The following TSPOAP1 variants were observed in gnomAD, a reference collection of about 807,000 sequenced individuals.
TSPOAP1 encodes peripheral-type benzodiazepine receptor-associated protein 1.
In TSPOAP1, 87 loss-of-function variants were observed where a neutral mutation model predicts 197.0. That is an observed-to-expected ratio of 0.44 (90% CI 0.37 to 0.53). TSPOAP1 has a LOEUF of 0.53. Among genes scored for constraint, TSPOAP1 ranks in the 20% least tolerant of loss-of-function variants. TSPOAP1 has a pLI of 0.00. For missense variants in TSPOAP1, 2,174 were observed against 2,411.3 expected (o/e 0.90, Z 2.06); for synonymous variants, 913 against 998.9 (o/e 0.91, Z 1.62).
rs377414450 is a variant in TSPOAP1 at position 58,323,265 on chromosome 17, G to A, written c.1104+33C>T. Reference sequence around the variant, plus strand: ...ACCTGGCTGGCCGGGGTGAAGGGAGGAGCTGGCCTCTGGGTTGCCCTCAAG... The same window carrying A: ...ACCTGGCTGGCCGGGGTGAAGGGAGAAGCTGGCCTCTGGGTTGCCCTCAAG... On this transcript the variant is annotated intron_variant, in intron 7 of 31. Transcript: ENST00000343736. 107 of 1,612,516 alleles carry A rather than the reference G, an allele frequency of 6.6e-5. 1 individual carries two copies. Among genetic ancestry groups the A allele is most frequent in the Admixed American group, 3.5e-4 (21 of 60,022 alleles).
Position 58,302,182 on chromosome 17 carries a change from G to A in TSPOAP1, c.*298C>T, listed in dbSNP as rs1057261256. Reference sequence around the variant, plus strand: ...TAACGCAGAAGAACGGGGGCTCTGGGCCCAGTCTGAGCCTTCCCTGCTCAG... The same window carrying A: ...TAACGCAGAAGAACGGGGGCTCTGGACCCAGTCTGAGCCTTCCCTGCTCAG... On this transcript the variant is annotated 3_prime_UTR_variant, in exon 32 of 32. Coordinates refer to ENST00000343736, the MANE Select transcript of TSPOAP1 (RefSeq NM_004758.4). 33 of 1,186,688 alleles carry A rather than the reference G, an allele frequency of 2.8e-5. No individual in the cohort carries two copies. Among genetic ancestry groups the A allele is most frequent in the Middle Eastern group, 2.9e-4 (1 of 3,442 alleles). The allele number at this position is 1,186,688 out of a possible 1,614,324, so 73.5% of individuals were successfully genotyped here.
chr17:58,307,534 T>C, intron 24 of TSPOAP1, 77 bp downstream of exon 24: 1 of 1,533,814 alleles, frequency 6.5e-7, no homozygotes, highest in Non-Finnish European at 8.9e-7. Flanking sequence ...CTGTGCTACC[T>C]CCAGTGGAGG....
chr17:58,302,456 T>C lies in TSPOAP1; in HGVS notation c.*33-9A>G. ...GTGGTGCAGCCCCAGTCCTGAAATGTGAGACAGAAGGAGCAAGGTCAGGGC... is the reference window on the plus strand; with the variant it reads ...GTGGTGCAGCCCCAGTCCTGAAATGCGAGACAGAAGGAGCAAGGTCAGGGC... On this transcript the variant is annotated splice_polypyrimidine_tract_variant and intron_variant, in intron 31 of 31. Coordinates refer to ENST00000343736, the MANE Select transcript of TSPOAP1 (RefSeq NM_004758.4). The C allele has an allele frequency of 8.2e-7, 1 of 1,220,324 alleles. No homozygotes were observed. Among genetic ancestry groups the C allele is most frequent in the Non-Finnish European group, 1.0e-6 (1 of 958,974 alleles). The allele number at this position is 1,220,324 out of a possible 1,614,324, so 75.6% of individuals were successfully genotyped here. A position where few individuals can be genotyped will look rare whatever the true frequency, so the allele number is the denominator to read the frequency against.
chr17:58,301,406 CG>C lies in TSPOAP1; in HGVS notation c.*1073del, dbSNP rs919433154. ...TCAGAGGGTGGGGGATGGAGTGGAT[CG>C]GGTAACGGCGGAGAACCCCTACCCC... is the stretch of plus-strand genomic sequence containing the variant. On this transcript the variant is annotated 3_prime_UTR_variant, in exon 32 of 32. Transcript: ENST00000343736. The C allele has an allele frequency of 6.6e-6, 1 of 152,512 alleles. No homozygotes were observed. The highest frequency in any genetic ancestry group is 2.4e-5 in the African/African-American group (1 of 41,416). 9.4% of individuals were successfully genotyped at this position (152,512 alleles called of 1,614,324 possible).
At chr17:58,314,688 A>G (rs1029601640) in intron 16 of TSPOAP1, among the ~76,000 whole-genome samples, 1 of 152,174 alleles carries the variant, frequency 6.6e-6, no homozygotes, top group African/African-American at 2.4e-5. Flanking sequence ...GTTTCAAGCC[A>G]CTCTATGGTA....
chr17:58,325,056 C>T (rs1442747605), intron 4 of TSPOAP1, 54 bp from the exon 5 acceptor site: 8 of 1,421,036 alleles, frequency 5.6e-6, no homozygotes, highest in Non-Finnish European at 9.4e-7. Flanking sequence ...CCTTGCCCGC[C>T]CCATGCCATC....
chr17:58,304,840 AG>A lies in TSPOAP1; in HGVS notation c.5544+220del. 1.5e-6 allele frequency: 1 copy of A among 654,920 alleles called. No homozygotes were observed. The highest frequency in any genetic ancestry group is 1.6e-5 in the South Asian group (1 of 61,608). 40.6% of individuals were successfully genotyped at this position (654,920 alleles called of 1,614,324 possible). A position where few individuals can be genotyped will look rare whatever the true frequency, so the allele number is the denominator to read the frequency against. On this transcript the variant is annotated intron_variant, in intron 30 of 31. Coordinates refer to ENST00000343736, the MANE Select transcript of TSPOAP1 (RefSeq NM_004758.4). This position sits in a 1 kb window ranked among gnomAD's most constrained non-coding sequence, Gnocchi z 4.2. ...CAGCTGGCGAGATGGCCTGAGGGTC[AG>A]GGTCACAGCTATCATCCCTCTGCAG... is the stretch of plus-strand genomic sequence containing the variant.
chr17:58,319,986 C>T (rs1285478300), intron 12 of TSPOAP1, 123 bp downstream of exon 12: 2 of 1,317,852 alleles, frequency 1.5e-6, no homozygotes, highest in African/African-American at 1.5e-5. Flanking sequence ...TATGGATTCT[C>T]ATGCCTGCTC....
At position 58,309,926 on chromosome 17, in the gene TSPOAP1, T is replaced by C; in HGVS notation, c.3891+41A>G. The C allele has an allele frequency of 6.4e-7, 1 of 1,569,104 alleles. No individual in the cohort carries two copies. The highest frequency in any genetic ancestry group is 8.6e-7 in the Non-Finnish European group (1 of 1,156,436). On this transcript the variant is annotated intron_variant, in intron 21 of 31. Transcript: ENST00000343736. This position sits in a 1 kb window ranked among gnomAD's most constrained non-coding sequence, Gnocchi z 5.0. Reference sequence around the variant, plus strand: ...GACACACAGTGGGGAGGCCCCGGAGTTTGAGGCCTGGGGCCCAACAGCCCA... The same window carrying C: ...GACACACAGTGGGGAGGCCCCGGAGCTTGAGGCCTGGGGCCCAACAGCCCA...
Position 58,312,014 on chromosome 17 carries a change from C to T in TSPOAP1, c.2807G>A (p.Arg936Gln), listed in dbSNP as rs377765738. The T allele has an allele frequency of 1.4e-5, 22 of 1,613,328 alleles. No individual in the cohort carries two copies. Among genetic ancestry groups the T allele is most frequent in the African/African-American group, 8.0e-5 (6 of 74,920 alleles). The stretch of plus-strand genomic sequence containing the variant: ...TTGGGCCTGATAGGGTGTGCCAGGC[C>T]GTAAGTGGCAGAAGGTGGCCCAGTA... ...STYWATFCHL[R>Q]PGTPYQAQVE... Residue 936 changes from arginine (R) to glutamine (Q), a missense_variant, in exon 17 of 32, where the codon CGG (arginine) becomes CAG (glutamine). Arg to Gln is a conservative substitution (Grantham distance 43). Transcript: ENST00000343736.
Position 58,310,574 on chromosome 17 carries a change from C to A in TSPOAP1, c.3637G>T (p.Ala1213Ser). 1 of 1,613,462 alleles carries A rather than the reference C, an allele frequency of 6.2e-7. No individual in the cohort carries two copies. The highest frequency in any genetic ancestry group is 8.5e-7 in the Non-Finnish European group (1 of 1,180,042). The change falls in exon 20 of 32, where the codon GCG becomes TCG. Residue 1213 changes from alanine to serine, a missense_variant. By Grantham distance (99) the Ala-to-Ser change is moderately conservative (BLOSUM62 1). Transcript: ENST00000343736. ...CCTTGGCACATCTCGGTATTTGGCGCCTGCTGGGCCCGTGCTCCCTGGGTG... is the reference window on the plus strand; with the variant it reads ...CCTTGGCACATCTCGGTATTTGGCGACTGCTGGGCCCGTGCTCCCTGGGTG... ...SSTQGARAQQ[A>S]PNTEMCQGGD...
chr17:58,319,218 G>T lies in TSPOAP1; in HGVS notation c.1571C>A (p.Ala524Asp). 2 of 1,598,014 alleles carry T rather than the reference G, an allele frequency of 1.3e-6. No homozygotes were observed. Among genetic ancestry groups the T allele is most frequent in the East Asian group, 2.3e-5 (1 of 43,818 alleles). Residue 524 changes from alanine (A) to aspartate (D), a missense_variant, in exon 13 of 32, where the codon GCT (alanine) becomes GAT (aspartate). Physicochemically the swap from Ala to Asp is moderately radical, Grantham distance 126 (BLOSUM62 -2). Transcript: ENST00000343736. ...CAAGGGGCCCGGGTGCAGGCGGAAA[G>T]CCTGGAGTTCCTGTGCCAGGAGGCT... is the stretch of plus-strand genomic sequence containing the variant. ...QFSLLAQELQ[A>D]FRLHPGPLDL...
rs374031972 is a variant in TSPOAP1 at position 58,311,064 on chromosome 17, G to A, written c.3231C>T (p.Ala1077=). The A allele has an allele frequency of 9.8e-5, 155 of 1,579,796 alleles. No homozygotes were observed. In the African/African-American group the frequency reaches 1.9e-3, roughly 20 times the overall value. The change falls in exon 19 of 32, where the codon GCC becomes GCT. Residue 1077 remains alanine, a synonymous_variant. Coordinates refer to ENST00000343736, the MANE Select transcript of TSPOAP1 (RefSeq NM_004758.4). Reference sequence around the variant, plus strand: ...GGGCTGGCAGGCTGGCCGGAGCCAGGGCGGGAGTGATAGGAGCCGGGATGG... The same window carrying A: ...GGGCTGGCAGGCTGGCCGGAGCCAGAGCGGGAGTGATAGGAGCCGGGATGG... ...ADSIPAPITP[A]LAPASLPARV... is the part of the protein sequence containing the mutation.
At position 58,309,921 on chromosome 17, in the gene TSPOAP1, C is replaced by G. The variant is rs749434206; in HGVS notation, c.3891+46G>C. The stretch of plus-strand genomic sequence containing the variant: ...CTGCTGACACACAGTGGGGAGGCCC[C>G]GGAGTTTGAGGCCTGGGGCCCAACA... On this transcript the variant is annotated intron_variant, in intron 21 of 31. Coordinates refer to ENST00000343736, the MANE Select transcript of TSPOAP1 (RefSeq NM_004758.4). This position sits in a 1 kb window ranked among gnomAD's most constrained non-coding sequence, Gnocchi z 5.0. The G allele has an allele frequency of 9.6e-6, 15 of 1,565,974 alleles. No individual in the cohort carries two copies. Among genetic ancestry groups the G allele is most frequent in the Non-Finnish European group, 1.3e-5 (15 of 1,155,246 alleles).
Position 58,324,965 on chromosome 17 carries a change from C to G in TSPOAP1, c.788G>C (p.Arg263Pro). Residue 263 changes from arginine to proline, a missense_variant, in exon 5 of 32, where the codon CGG becomes CCG. Transcript: ENST00000343736. This position sits in a 1 kb window ranked among gnomAD's most constrained non-coding sequence, Gnocchi z 5.8. Reference protein sequence around the residue: ...PQWLHVRDFDRLLRESQREVL... With the variant: ...PQWLHVRDFDPLLRESQREVL... The stretch of plus-strand genomic sequence containing the variant: ...CTCCCGCTGGGACTCGCGCAGCAGC[C>G]GATCGAAGTCCCGCACGTGGAGCCA... The G allele has an allele frequency of 6.5e-7, 1 of 1,539,038 alleles. No homozygotes were observed. The highest frequency in any genetic ancestry group is 1.4e-5 in the African/African-American group (1 of 72,934).
Position 58,327,705 on chromosome 17 carries a change from C to A in TSPOAP1, c.216G>T (p.Val72=), listed in dbSNP as rs775613748. The change falls in exon 1 of 32, where the codon GTG becomes GTT. Residue 72 remains valine (V), a synonymous_variant. Coordinates refer to ENST00000343736, the MANE Select transcript of TSPOAP1 (RefSeq NM_004758.4). ...CTGCTCCTTCAGGGTCAGTTCCCCC[C>A]ACGGGCCTGGAGCTCCCGTCTCCTT... is the stretch of plus-strand genomic sequence containing the variant. ...KPKGDGSSRP[V]GGTDPEGAEA... 23 of 1,614,124 alleles carry A rather than the reference C, an allele frequency of 1.4e-5. No individual in the cohort carries two copies. Among genetic ancestry groups the A allele is most frequent in the East Asian group, 4.5e-5 (2 of 44,890 alleles).
chr17:58,328,006 C>G lies in TSPOAP1; in HGVS notation c.-86G>C. 8.5e-7 allele frequency: 1 copy of G among 1,178,354 alleles called. No individual in the cohort carries two copies. The highest frequency in any genetic ancestry group is 1.5e-5 in the South Asian group (1 of 66,034). 73.0% of individuals were successfully genotyped at this position (1,178,354 alleles called of 1,614,324 possible). On this transcript the variant is annotated 5_prime_UTR_variant, in exon 1 of 32. Coordinates refer to ENST00000343736, the MANE Select transcript of TSPOAP1 (RefSeq NM_004758.4). This position sits in a 1 kb window ranked among gnomAD's most constrained non-coding sequence, Gnocchi z 4.3. ...CTGGCGAGGGTCATGCCAGGCCAGC[C>G]CCTCTCCCCTCTGAGCTCTTGCTTC...
In TSPOAP1 at chr17:58,322,954, T is replaced by C; in HGVS notation, c.1190A>G (p.Glu397Gly). ...SRLSGRATEK[E>G]QVEWENAELR... is the part of the protein sequence containing the mutation. ...GCACCTGGGCGGAAGTGGTACCTGC[T>C]CCTTCTCTGTGGCTCTCCCACTGAG... is the stretch of plus-strand genomic sequence containing the variant. Residue 397 changes from glutamate (E) to glycine (G), a missense_variant, in exon 8 of 32, where the codon GAG becomes GGG. Physicochemically the swap from Glu to Gly is moderately conservative, Grantham distance 98. Coordinates refer to ENST00000343736, the MANE Select transcript of TSPOAP1 (RefSeq NM_004758.4). This position sits in a 1 kb window ranked among gnomAD's most constrained non-coding sequence, Gnocchi z 5.0. 6.2e-7 allele frequency: 1 copy of C among 1,610,152 alleles called. No individual in the cohort carries two copies. Among genetic ancestry groups the C allele is most frequent in the Non-Finnish European group, 8.5e-7 (1 of 1,178,330 alleles).
chr17:58,320,054 A>G, intron 12 of TSPOAP1, 55 bp downstream of exon 12: 1 of 1,610,410 alleles, frequency 6.2e-7, no homozygotes. Context: ...CTGAGGGAGG[A>G]GATGCAACTC....
Sources: allele counts gnomAD v4.1 joint callset (sites outside exome capture counted in the v4.1 genomes callset), GRCh38; gene constraint gnomAD v4.1.1; non-coding constraint Gnocchi (gnomAD v3.1); transcripts MANE v1.5; gene names NCBI Gene and HGNC (gene_info 2026-07-23, HGNC 2026-07-21).